The following OSBPL1A variants were observed in gnomAD, a reference collection of about 807,000 sequenced individuals.
The protein encoded by OSBPL1A is oxysterol binding protein like 1A, also known as oxysterol-binding protein-related protein 1.
Under a neutral mutation model 137.1 loss-of-function variants are expected in OSBPL1A, and 80 were observed. The observed-to-expected ratio is 0.58, with a 90% CI of 0.49 to 0.70. The LOEUF (loss-of-function observed/expected upper bound fraction) is 0.70. OSBPL1A is among the 30% of genes least tolerant of loss of function. The probability of loss-of-function intolerance (pLI) is 0.00; values close to 1 mark genes in which losing one functional copy is unlikely to be tolerated. For synonymous variants in OSBPL1A, 365 were observed against 389.7 expected (o/e 0.94, Z 0.75); for missense variants, 970 against 1,129.4 (o/e 0.86, Z 2.02).
At chr18:24,347,840 TGAAAAAA>T (rs1568043356) in intron 4 of OSBPL1A, 1 of 43,924 alleles carries the variant, frequency 2.3e-5, no homozygotes, top group Non-Finnish European at 4.1e-5. Context: ...ACACTCCATC[TGAAAAAA>T]AAAAAAAAAA....
chr18:24,253,078 GA>G (rs1300772243), intron 15 of OSBPL1A, among the ~76,000 whole-genome samples: 1 of 134,322 alleles, frequency 7.4e-6, no homozygotes, highest in Non-Finnish European at 1.6e-5. Context: ...AAAACAATTA[GA>G]AAACAAGTAA....
chr18:24,357,286 T>C (rs1719071895), intron 4 of OSBPL1A: 1 of 152,148 alleles, frequency 6.6e-6, no homozygotes. Context: ...GAAAAGATAG[T>C]CATGCCTTTG....
At chr18:24,188,291 AAC>A (rs1358828516) in intron 18 of OSBPL1A, among the ~76,000 whole-genome samples, 7 of 152,196 alleles carry the variant, frequency 4.6e-5, no homozygotes, top group East Asian at 3.9e-4. Flanking sequence ...TCCGTGGGAA[AAC>A]ACAGCACGGC....
rs549472165 is a variant in OSBPL1A, at chr18:24,263,761, G to A, written c.1281+17081C>T. 3.9e-5 allele frequency among the ~76,000 whole-genome samples: 6 copies of A among 152,108 alleles called. No homozygotes were observed. In the South Asian group the frequency reaches 1.0e-3, roughly 26 times the overall value. On this transcript the variant is annotated intron_variant, in intron 15 of 27. Coordinates refer to ENST00000319481, the MANE Select transcript of OSBPL1A (RefSeq NM_080597.4). ...AGTGATTCTCCTGCCTCAGCCTCCC[G>A]AGTAGCTGGGATTACAGGCATGCGT...
At chr18:24,263,323 C>T (rs578216792) in intron 15 of OSBPL1A, among the ~76,000 whole-genome samples, 1 of 152,300 alleles carries the variant, frequency 6.6e-6, no homozygotes, top group East Asian at 1.9e-4. Context: ...GCTGTACTAG[C>T]TCATATGATC....
Position 24,287,897 on chromosome 18 carries a change from C to T in OSBPL1A, c.1175-6949G>A, listed in dbSNP as rs565467022. ...TGTCTCACCTATTGGATTCTTCAAC[C>T]TTGCTGCCTGAAAGAAAGCTTGGAC... On this transcript the variant is annotated intron_variant, in intron 14 of 27. Coordinates refer to ENST00000319481, the MANE Select transcript of OSBPL1A (RefSeq NM_080597.4). Among the ~76,000 whole-genome samples the T allele has an allele frequency of 1.6e-3, 240 of 152,308 alleles. 1 individual carries two copies. The highest frequency in any genetic ancestry group is 3.4e-3 in the Middle Eastern group (1 of 294).
intron 4 of OSBPL1A, among the ~76,000 whole-genome samples, chr18:24,362,667 C>T (rs1408809761): frequency 1.2e-4 from 19 of 152,120 alleles, no homozygotes; most frequent in Admixed American, 1.2e-3. Context: ...CTAGAATATA[C>T]AAGAAATACA....
intron 17 of OSBPL1A, among the ~76,000 whole-genome samples, chr18:24,215,633 G>A (rs913234763): frequency 1.3e-5 from 2 of 152,080 alleles, no homozygotes; most frequent in Non-Finnish European, 2.9e-5. Flanking sequence ...CCCCTGAGGC[G>A]ATTTTCTCCT....
intron 20 of OSBPL1A, chr18:24,178,953 G>GAT (rs1411883148): frequency 6.6e-6 from 1 of 152,162 alleles, no homozygotes; most frequent in Non-Finnish European, 1.5e-5. Context: ...TGCACTTACA[G>GAT]ATGCAGTCAT....
At chr18:24,361,797 G>A (rs1213829636) in intron 4 of OSBPL1A, among the ~76,000 whole-genome samples, 1 of 152,104 alleles carries the variant, frequency 6.6e-6, no homozygotes, top group Non-Finnish European at 1.5e-5. Context: ...GAGGTCAGGA[G>A]TTTGAGACCA....
intron 17 of OSBPL1A, among the ~76,000 whole-genome samples, chr18:24,212,778 T>C (rs2087583359): frequency 6.6e-6 from 1 of 152,222 alleles, no homozygotes; most frequent in African/African-American, 2.4e-5. Context: ...TTCAAGATCT[T>C]CAAAGTTATA....
chr18:24,208,822 A>C (rs2087447178), intron 17 of OSBPL1A, among the ~76,000 whole-genome samples: 1 of 152,226 alleles, frequency 6.6e-6, no homozygotes, highest in South Asian at 2.1e-4. Flanking sequence ...CCATAGTATC[A>C]ACAACAAAAG....
intron 18 of OSBPL1A, among the ~76,000 whole-genome samples, chr18:24,185,570 C>T (rs1404380228): frequency 4.6e-5 from 7 of 152,132 alleles, no homozygotes; most frequent in East Asian, 1.9e-4. Context: ...CCGCCCACCT[C>T]GGCCTCCCAA....
intron 9 of OSBPL1A, 100 bp from the exon 10 acceptor site, chr18:24,317,500 T>G (rs2090758343): frequency 2.2e-6 from 2 of 922,948 alleles, no homozygotes; most frequent in African/African-American, 3.8e-5. Flanking sequence ...ATTTGAGTCT[T>G]TAGACAGTAG....
At chr18:24,186,424 T>C (rs573060613) in intron 18 of OSBPL1A, among the ~76,000 whole-genome samples, 8 of 152,320 alleles carry the variant, frequency 5.3e-5, no homozygotes, top group African/African-American at 1.9e-4. Context: ...AAAAATATTC[T>C]AATCTTGTTA....
chr18:24,228,931 T>C (rs1599529666), intron 16 of OSBPL1A, among the ~76,000 whole-genome samples: 1 of 152,176 alleles, frequency 6.6e-6, no homozygotes, highest in Non-Finnish European at 1.5e-5. Flanking sequence ...CTGGGCGCGG[T>C]GGCTCACACC....
chr18:24,208,964 A>G (rs944329394), intron 17 of OSBPL1A, among the ~76,000 whole-genome samples: 30 of 152,216 alleles, frequency 2.0e-4, no homozygotes, highest in African/African-American at 6.8e-4. Flanking sequence ...ACCACTGGTG[A>G]TACACCAGAG....
intron 14 of OSBPL1A, among the ~76,000 whole-genome samples, chr18:24,298,490 C>T (rs1460034506): frequency 6.6e-6 from 1 of 152,152 alleles, no homozygotes; most frequent in South Asian, 2.1e-4. Context: ...GGACTATAGG[C>T]GTGTGCCACC....
At chr18:24,384,874 GA>G (rs766492169) in intron 1 of OSBPL1A, among the ~76,000 whole-genome samples, 95 of 132,832 alleles carry the variant, frequency 7.2e-4, no homozygotes, top group East Asian at 8.5e-4. Context: ...AACTGTCTCG[GA>G]AAAAAAAAAA....
Sources: gnomAD v4.1 joint callset for allele counts (sites outside exome capture counted in the v4.1 genomes callset) on GRCh38, gnomAD v4.1.1 for gene constraint, MANE v1.5 for transcripts, NCBI Gene and HGNC (gene_info 2026-07-23, HGNC 2026-07-21) for gene names.